NAALADL2: variants seen among roughly 807,000 people sequenced by gnomAD.
The protein encoded by NAALADL2 is N-acetylated alpha-linked acidic dipeptidase like 2.
NAALADL2 carries 76 observed loss-of-function variants against 87.2 expected under a neutral mutation model. The ratio of observed to expected loss-of-function variants is 0.87; its 90% CI spans 0.72 to 1.05. The LOEUF (loss-of-function observed/expected upper bound fraction) is 1.05. Ranked by LOEUF, NAALADL2 falls within the 50% of genes least tolerant of loss-of-function variation. NAALADL2 has a pLI of 0.00. For synonymous variants in NAALADL2, 354 were observed against 331.0 expected (o/e 1.07, Z -0.75); for missense variants, 1,089 against 945.8 (o/e 1.15, Z -1.99).
chr3:175,000,290 C>A (rs1175740539), intron 1 of NAALADL2, among the ~76,000 whole-genome samples: 1 of 152,174 alleles, frequency 6.6e-6, no homozygotes, highest in Admixed American at 6.6e-5. Flanking sequence ...GAAGTATATG[C>A]AAGTCTATGC....
intron 1 of NAALADL2, among the ~76,000 whole-genome samples, chr3:175,094,124 T>TA (rs149318081): frequency 9.3e-5 from 14 of 151,036 alleles, no homozygotes; most frequent in South Asian, 8.3e-4. Flanking sequence ...TCAATGTTTT[T>TA]TAAAAAAAAA....
chr3:174,921,692 C>G (rs1735209008), intron 1 of NAALADL2, among the ~76,000 whole-genome samples: 1 of 151,060 alleles, frequency 6.6e-6, no homozygotes, highest in African/African-American at 2.4e-5. Flanking sequence ...GTAGTCCCAG[C>G]TACTTGAGAG....
chr3:175,208,821 AATCGTTTTTGC>A (rs1741348653), intron 2 of NAALADL2, among the ~76,000 whole-genome samples: 1 of 152,172 alleles, frequency 6.6e-6, no homozygotes, highest in Non-Finnish European at 1.5e-5. Context: ...AATAACCATG[AATCGTTTTTGC>A]ATTTGGAATA....
intron 1 of NAALADL2, among the ~76,000 whole-genome samples, chr3:175,017,080 T>A (rs77184998): frequency 6.6e-6 from 1 of 152,064 alleles, no homozygotes; most frequent in Non-Finnish European, 1.5e-5. Context: ...TAGTTGACAA[T>A]GCAATACAAC....
chr3:175,467,241 G>A, intron 8 of NAALADL2, 57 bp downstream of exon 8: 2 of 1,461,304 alleles, frequency 1.4e-6, no homozygotes, highest in Admixed American at 2.0e-5. Flanking sequence ...TGCTAAAGTA[G>A]ACAAAGTAAA....
At chr3:175,561,293 T>C (rs918215977) in intron 9 of NAALADL2, among the ~76,000 whole-genome samples, 5 of 152,162 alleles carry the variant, frequency 3.3e-5, no homozygotes, top group Admixed American at 3.3e-4. Flanking sequence ...TAATACCTAA[T>C]ACAACAGAAA....
intron 4 of NAALADL2, among the ~76,000 whole-genome samples, chr3:175,286,831 C>T (rs1040114015): frequency 1.3e-5 from 2 of 152,070 alleles, no homozygotes; most frequent in Admixed American, 6.6e-5. Flanking sequence ...GTAACTCATG[C>T]CTGTAATTGC....
chr3:175,244,477 C>T (rs900078073), intron 3 of NAALADL2, among the ~76,000 whole-genome samples: 1 of 152,014 alleles, frequency 6.6e-6, no homozygotes, highest in African/African-American at 2.4e-5. Flanking sequence ...AGCAACCAAC[C>T]GAGATACTGT....
intron 1 of NAALADL2, among the ~76,000 whole-genome samples, chr3:174,924,510 C>T (rs1333204914): frequency 2.6e-5 from 4 of 151,994 alleles, no homozygotes; most frequent in East Asian, 1.9e-4. Flanking sequence ...TGAATAGTGC[C>T]GCAATAAACA....
chr3:175,404,819 T>A (rs986400735), intron 5 of NAALADL2, among the ~76,000 whole-genome samples: 2 of 152,184 alleles, frequency 1.3e-5, no homozygotes, highest in African/African-American at 4.8e-5. Context: ...CTACTATCCA[T>A]GTGGTGAGAT....
chr3:175,288,681 A>G (rs1755276599), intron 4 of NAALADL2, among the ~76,000 whole-genome samples: 1 of 152,182 alleles, frequency 6.6e-6, no homozygotes, highest in Non-Finnish European at 1.5e-5. Flanking sequence ...CTTAGAATCC[A>G]TTCTGACTTG....
intron 5 of NAALADL2, among the ~76,000 whole-genome samples, chr3:175,392,761 G>A (rs1376907726): frequency 6.6e-6 from 1 of 152,136 alleles, no homozygotes; most frequent in East Asian, 1.9e-4. Context: ...AGACAGCTTA[G>A]AAGATTGATT....
intron 9 of NAALADL2, among the ~76,000 whole-genome samples, chr3:175,511,075 C>T (rs894020311): frequency 2.0e-5 from 3 of 152,102 alleles, no homozygotes; most frequent in South Asian, 2.1e-4. Flanking sequence ...TATGTAAGTC[C>T]GGGCAATATC....
intron 1 of NAALADL2, among the ~76,000 whole-genome samples, chr3:174,885,348 C>T (rs1034628950): frequency 6.6e-6 from 1 of 152,136 alleles, no homozygotes; most frequent in Non-Finnish European, 1.5e-5. Flanking sequence ...TCAGTATCTG[C>T]TTCTGAAGCC....
At chr3:174,987,251 A>C (rs578103972) in intron 1 of NAALADL2, among the ~76,000 whole-genome samples, 65 of 152,252 alleles carry the variant, frequency 4.3e-4, no homozygotes, top group African/African-American at 1.5e-3. Flanking sequence ...ATTCTTGTAA[A>C]ATACCTATAT....
chr3:174,879,485 A>G (rs574521767), intron 1 of NAALADL2, among the ~76,000 whole-genome samples: 3 of 152,118 alleles, frequency 2.0e-5, no homozygotes, highest in South Asian at 2.1e-4. Context: ...TAATTTTATG[A>G]TTTTTTCCTA....
At chr3:175,101,321 C>T (rs1722128728) in intron 2 of NAALADL2, among the ~76,000 whole-genome samples, 1 of 152,142 alleles carries the variant, frequency 6.6e-6, no homozygotes, top group Non-Finnish European at 1.5e-5. Context: ...CTTTTGTGGA[C>T]CAAAGATGTT....
chr3:174,832,941 G>T (rs77122793), intron 3 of NAALADL2, among the ~76,000 whole-genome samples: 1 of 152,064 alleles, frequency 6.6e-6, no homozygotes, highest in East Asian at 1.9e-4. Context: ...ATGTATATTA[G>T]CATTTATATT....
chr3:174,619,793 C>A (rs569847894), intron 2 of NAALADL2, among the ~76,000 whole-genome samples: 1 of 151,980 alleles, frequency 6.6e-6, no homozygotes, highest in South Asian at 2.1e-4. Flanking sequence ...GGTTTATTTT[C>A]TTATTTCTTC....
Sources: gnomAD v4.1 joint callset for allele counts (sites outside exome capture counted in the v4.1 genomes callset) on GRCh38, gnomAD v4.1.1 for gene constraint, MANE v1.5 for transcripts, NCBI Gene and HGNC (gene_info 2026-07-23, HGNC 2026-07-21) for gene names.